DDX60: variants seen among roughly 807,000 people sequenced by gnomAD.
DDX60 encodes DExD/H-box helicase 60.
In DDX60, 165 loss-of-function variants were observed where a neutral mutation model predicts 212.8. That is an observed-to-expected ratio of 0.78 (90% CI 0.68 to 0.88). The LOEUF (loss-of-function observed/expected upper bound fraction) is 0.88, where lower values mean the gene tolerates loss of function less well. Ranked by LOEUF, DDX60 falls within the 40% of genes least tolerant of loss-of-function variation. The probability of loss-of-function intolerance (pLI) is 0.00; values close to 1 mark genes in which losing one functional copy is unlikely to be tolerated. For missense variants in DDX60, 1,905 were observed against 2,003.9 expected (o/e 0.95, Z 0.94); for synonymous variants, 703 against 685.3 (o/e 1.03, Z -0.40).
intron 14 of DDX60, among the ~76,000 whole-genome samples, chr4:168,279,523 A>G (rs771880490): frequency 2.6e-5 from 4 of 152,236 alleles, no homozygotes; most frequent in East Asian, 1.9e-4. Flanking sequence ...TGCTGATGCA[A>G]TAACACTCAC....
intron 22 of DDX60, chr4:168,263,575 C>T (rs1034179654): frequency 6.6e-5 from 10 of 152,170 alleles, no homozygotes; most frequent in African/African-American, 1.4e-4. Context: ...GGCAAATCCT[C>T]TGGGAGATGA....
At chr4:168,232,578 T>C (rs1263241734) in intron 33 of DDX60, among the ~76,000 whole-genome samples, 1 of 152,044 alleles carries the variant, frequency 6.6e-6, no homozygotes, top group Non-Finnish European at 1.5e-5. Context: ...CAACTGATCT[T>C]TGACAAACCA....
chr4:168,291,452 C>T (rs1216357839), intron 8 of DDX60, among the ~76,000 whole-genome samples: 1 of 152,138 alleles, frequency 6.6e-6, no homozygotes, highest in Non-Finnish European at 1.5e-5. Context: ...TAAGAGCAGA[C>T]CACAGTGATC....
At chr4:168,295,326 A>C (rs955940353) in intron 6 of DDX60, among the ~76,000 whole-genome samples, 11 of 152,224 alleles carry the variant, frequency 7.2e-5, no homozygotes, top group African/African-American at 2.7e-4. Context: ...CTTCTGGATG[A>C]ATTGCAATGT....
chr4:168,284,768 G>T, intron 12 of DDX60, 52 bp downstream of exon 12: 1 of 878,096 alleles, frequency 1.1e-6, no homozygotes, highest in Non-Finnish European at 1.7e-6. Flanking sequence ...TAAAATAAGA[G>T]GCAGAGAGTA....
chr4:168,237,436 C>A lies in DDX60; in HGVS notation c.4270-9G>T. On this transcript the variant is annotated splice_polypyrimidine_tract_variant and intron_variant, in intron 31 of 37. Coordinates refer to ENST00000393743, the MANE Select transcript of DDX60 (RefSeq NM_017631.6). ...TCTTGATCTAAATAGCCCTAAAGAA[C>A]AAAAAACAATTTATTAGTTTGACTC... The A allele has an allele frequency of 1.3e-6, 2 of 1,546,220 alleles. No individual in the cohort carries two copies. Among genetic ancestry groups the A allele is most frequent in the Non-Finnish European group, 8.7e-7 (1 of 1,152,640 alleles).
chr4:168,322,721 T>C (rs1232367252), upstream of DDX60, among the ~76,000 whole-genome samples: 3 of 152,218 alleles, frequency 2.0e-5, no homozygotes, highest in Non-Finnish European at 4.4e-5. Flanking sequence ...GCCAGACTCA[T>C]GGCACTTGAC....
chr4:168,271,898 C>A, intron 19 of DDX60, 145 bp downstream of exon 19: 1 of 649,734 alleles, frequency 1.5e-6, no homozygotes, highest in Non-Finnish European at 2.6e-6. Flanking sequence ...GTGATTTTTC[C>A]TGAAAAATCA....
intron 27 of DDX60, among the ~76,000 whole-genome samples, chr4:168,251,568 G>A (rs1225643402): frequency 3.3e-5 from 5 of 152,280 alleles, no homozygotes; most frequent in East Asian, 1.9e-4. Context: ...GAAGAAATAC[G>A]GTTGTGTCCA....
At chr4:168,310,900 T>C (rs1347253655) in intron 3 of DDX60, 98 bp downstream of exon 3, 4 of 679,598 alleles carry the variant, frequency 5.9e-6, no homozygotes, top group Middle Eastern at 2.5e-4. Flanking sequence ...CCCTACATTG[T>C]TCAATGGTCA....
chr4:168,250,566 C>G (rs1734182093), intron 28 of DDX60, among the ~76,000 whole-genome samples: 1 of 151,076 alleles, frequency 6.6e-6, no homozygotes, highest in Non-Finnish European at 1.5e-5. Flanking sequence ...GCTCTTGTCC[C>G]CCAGGCTAGA....
At position 168,306,486 on chromosome 4, in the gene DDX60, C is replaced by A. The variant is rs1254438662; in HGVS notation, c.499G>T (p.Ala167Ser). The A allele has an allele frequency of 1.9e-6, 3 of 1,614,090 alleles. No individual in the cohort carries two copies. The highest frequency in any genetic ancestry group is 1.7e-5 in the Admixed American group (1 of 60,020). Reference sequence around the variant, plus strand: ...GAAAGTACAACGTTGACCTTCCTTGCCCAAGAATGAATGATTAAAAAGTTG... The same window carrying A: ...GAAAGTACAACGTTGACCTTCCTTGACCAAGAATGAATGATTAAAAAGTTG... ...LFNFLIIHSW[A>S]RKVNVVLSSG... Residue 167 changes from alanine (A) to serine (S), a missense_variant, in exon 5 of 38, where the codon GCA (alanine) becomes TCA (serine). Physicochemically the swap from Ala to Ser is moderately conservative, Grantham distance 99. Coordinates refer to ENST00000393743, the MANE Select transcript of DDX60 (RefSeq NM_017631.6).
chr4:168,301,731 A>G (rs185887292), intron 6 of DDX60, among the ~76,000 whole-genome samples: 4 of 152,334 alleles, frequency 2.6e-5, no homozygotes, highest in Admixed American at 6.5e-5. Context: ...TGAATCAACT[A>G]AAGTTTGAGA....
intron 27 of DDX60, 144 bp downstream of exon 27, chr4:168,252,365 G>T: frequency 1.0e-6 from 1 of 973,850 alleles, no homozygotes. Context: ...GTGATATGTA[G>T]CTAAAGGAGA....
At chr4:168,311,565 G>A (rs1311623485) in intron 1 of DDX60, among the ~76,000 whole-genome samples, 200 bp from the exon 2 acceptor site, 1 of 152,150 alleles carries the variant, frequency 6.6e-6, no homozygotes, top group Non-Finnish European at 1.5e-5. Context: ...ACAAAGTCAA[G>A]AGGTCAGAGG....
At chr4:168,301,878 G>A (rs773217374) in intron 6 of DDX60, among the ~76,000 whole-genome samples, 1 of 152,222 alleles carries the variant, frequency 6.6e-6, no homozygotes, top group Non-Finnish European at 1.5e-5. Flanking sequence ...AGGATGTACT[G>A]AGGACCCAAG....
chr4:168,254,737 G>C (rs185868714), intron 26 of DDX60, among the ~76,000 whole-genome samples: 2,381 of 152,220 alleles, frequency 0.016, 59 homozygotes, highest in African/African-American at 0.053. Context: ...AGGAATCAAG[G>C]AAAGATTCAG....
intron 5 of DDX60, among the ~76,000 whole-genome samples, chr4:168,304,595 A>T (rs970593678): frequency 1.3e-5 from 2 of 151,990 alleles, no homozygotes; most frequent in African/African-American, 4.8e-5. Flanking sequence ...CAGCCACTCG[A>T]CAGGCTGAGG....
intron 32 of DDX60, 116 bp from the exon 33 acceptor site, chr4:168,236,489 A>G: frequency 2.2e-6 from 2 of 899,868 alleles, no homozygotes; most frequent in East Asian, 5.7e-5. Flanking sequence ...TTTATGACAA[A>G]CATAGCAATT....
Sources: allele counts gnomAD v4.1 joint callset (sites outside exome capture counted in the v4.1 genomes callset), GRCh38; gene constraint gnomAD v4.1.1; transcripts MANE v1.5; gene names NCBI Gene and HGNC (gene_info 2026-07-23, HGNC 2026-07-21).